The following GPBP1 variants were observed in gnomAD, a reference collection of about 807,000 sequenced individuals.
GPBP1 encodes GC-rich promoter binding protein 1.
In GPBP1, 13 loss-of-function variants were observed where a neutral mutation model predicts 56.5. The observed-to-expected ratio is 0.23, with a 90% CI of 0.15 to 0.37. The LOEUF is 0.37. Among genes scored for constraint, GPBP1 ranks in the 10% least tolerant of loss-of-function variants. The pLI is 1.00. For missense variants in GPBP1, 477 were observed against 572.3 expected, an observed-to-expected ratio of 0.83 and a Z score of 1.70; for synonymous variants, 204 against 188.9, an observed-to-expected ratio of 1.08 and a Z score of -0.66.
chr5:57,257,266 C>T (rs1381911850), intron 10 of GPBP1, among the ~76,000 whole-genome samples: 2 of 152,282 alleles, frequency 1.3e-5, no homozygotes, highest in East Asian at 3.9e-4. Context: ...GAACTCCTGA[C>T]CTCAGGTGAT....
In GPBP1 at chr5:57,224,001, T is replaced by C. The variant is rs538677308; in HGVS notation, c.64-6845T>C. Among the ~76,000 whole-genome samples, 472 of 151,236 alleles carry C rather than the reference T, an allele frequency of 3.1e-3. 4 individuals carry two copies. Among genetic ancestry groups the C allele is most frequent in the African/African-American group, 0.011 (452 of 41,288 alleles). ...GGCGCCCGCCACCACACCTGGCTAA[T>C]ATTTTGTATTTTTAGTAGAGACGGG... On this transcript the variant is annotated intron_variant, in intron 3 of 11. Transcript: ENST00000506184.
At chr5:57,178,038 T>G (rs746869104) in intron 2 of GPBP1, among the ~76,000 whole-genome samples, 13 of 152,278 alleles carry the variant, frequency 8.5e-5, no homozygotes, top group Admixed American at 2.6e-4. Flanking sequence ...CAGACCTGTG[T>G]GTAGTAATTC....
At chr5:57,180,798 A>G (rs1754010157) in intron 2 of GPBP1, among the ~76,000 whole-genome samples, 1 of 152,108 alleles carries the variant, frequency 6.6e-6, no homozygotes, top group South Asian at 2.1e-4. Context: ...CTGGAGTGCA[A>G]TGGCACAATC....
intron 2 of GPBP1, among the ~76,000 whole-genome samples, chr5:57,207,692 A>G (rs1398819039): frequency 6.6e-6 from 1 of 152,124 alleles, no homozygotes; most frequent in Admixed American, 6.5e-5. Flanking sequence ...GGTTTTATTG[A>G]GTGGAAGTTT....
intron 10 of GPBP1, among the ~76,000 whole-genome samples, chr5:57,255,269 C>G (rs904449560): frequency 3.9e-5 from 6 of 151,986 alleles, no homozygotes; most frequent in Non-Finnish European, 8.8e-5. Flanking sequence ...CCTCTTCCCC[C>G]TCTTATTCCA....
At chr5:57,197,989 A>G (rs1754840593) in intron 2 of GPBP1, among the ~76,000 whole-genome samples, 1 of 152,120 alleles carries the variant, frequency 6.6e-6, no homozygotes, top group South Asian at 2.1e-4. Context: ...TTTTGGTGCC[A>G]GAACCCATAT....
chr5:57,244,166 C>T (rs1029671446), intron 6 of GPBP1, among the ~76,000 whole-genome samples: 10 of 152,198 alleles, frequency 6.6e-5, no homozygotes, highest in African/African-American at 2.4e-4. Context: ...CCATATCTGG[C>T]ATTTTCAAGT....
In GPBP1 at chr5:57,214,091, T is replaced by C; in HGVS notation, c.-40T>C. 3 of 1,574,120 alleles carry C rather than the reference T, an allele frequency of 1.9e-6. No homozygotes were observed. Among genetic ancestry groups the C allele is most frequent in the Non-Finnish European group, 1.7e-6 (2 of 1,143,466 alleles). On this transcript the variant is annotated 5_prime_UTR_variant, in exon 3 of 12. Transcript: ENST00000506184. ...TGTGACAGGGACTTGCCATGAGGTG[T>C]TGAAGCCTTGTTTCACTGAGTTGGA...
chr5:57,191,545 C>T (rs1754523851), intron 2 of GPBP1, among the ~76,000 whole-genome samples: 1 of 139,734 alleles, frequency 7.2e-6, no homozygotes, highest in South Asian at 2.3e-4. Flanking sequence ...AAACAAAATA[C>T]ATTTATCTTT....
At chr5:57,219,770 G>C (rs911787878) in intron 3 of GPBP1, among the ~76,000 whole-genome samples, 1 of 152,024 alleles carries the variant, frequency 6.6e-6, no homozygotes, top group African/African-American at 2.4e-5. Context: ...ATTAGCATCT[G>C]GGCCGGGTGC....
intron 3 of GPBP1, among the ~76,000 whole-genome samples, chr5:57,223,162 C>T (rs567360453): frequency 6.6e-6 from 1 of 152,108 alleles, no homozygotes; most frequent in East Asian, 1.9e-4. Context: ...CTCTTAGAGA[C>T]AGGGTCTCAC....
rs1265165679 is a variant in GPBP1, at chr5:57,263,937, C to G, written c.*1185C>G. 1 of 152,040 alleles carries G rather than the reference C, an allele frequency of 6.6e-6. No individual in the cohort carries two copies. The highest frequency in any genetic ancestry group is 2.4e-5 in the African/African-American group (1 of 41,386). 9.4% of individuals were successfully genotyped at this position (152,040 alleles called of 1,614,324 possible). ...GCTCCCCCTTATGTTTAAATATATT[C>G]TAACTTATGTAAAGAGCATAATCTT... On this transcript the variant is annotated 3_prime_UTR_variant, in exon 12 of 12. Coordinates refer to ENST00000506184, the MANE Select transcript of GPBP1 (RefSeq NM_022913.4).
At chr5:57,257,236 A>G (rs960482925) in intron 10 of GPBP1, among the ~76,000 whole-genome samples, 33 of 152,238 alleles carry the variant, frequency 2.2e-4, no homozygotes, top group Middle Eastern at 3.4e-3. Flanking sequence ...AGGTTTCACC[A>G]TGTTGGCCAG....
chr5:57,226,005 C>G (rs1419925932), intron 3 of GPBP1, among the ~76,000 whole-genome samples: 1 of 152,198 alleles, frequency 6.6e-6, no homozygotes, highest in African/African-American at 2.4e-5. Flanking sequence ...TACTTTGAGA[C>G]AGTGTTCATG....
chr5:57,243,200 G>C (rs1740915943), intron 6 of GPBP1, among the ~76,000 whole-genome samples: 1 of 151,798 alleles, frequency 6.6e-6, no homozygotes, highest in African/African-American at 2.4e-5. Flanking sequence ...CCGAGTAGCT[G>C]GGATTACAGG....
chr5:57,182,621 T>C (rs780228635), intron 2 of GPBP1, among the ~76,000 whole-genome samples: 1 of 152,160 alleles, frequency 6.6e-6, no homozygotes, highest in Non-Finnish European at 1.5e-5. Context: ...TCCACCTGCC[T>C]CAGCCTCCCA....
intron 10 of GPBP1, among the ~76,000 whole-genome samples, chr5:57,257,538 C>G (rs1176770563): frequency 6.6e-6 from 1 of 152,174 alleles, no homozygotes; most frequent in Admixed American, 6.5e-5. Flanking sequence ...TAAAGAAATT[C>G]AGAGGGTTTG....
intron 2 of GPBP1, among the ~76,000 whole-genome samples, chr5:57,205,091 C>CT (rs1485287398): frequency 6.6e-6 from 1 of 152,170 alleles, no homozygotes; most frequent in Non-Finnish European, 1.5e-5. Context: ...AAAACTGTCT[C>CT]TAAGCAGTCA....
intron 6 of GPBP1, among the ~76,000 whole-genome samples, chr5:57,242,874 C>T (rs927758231): frequency 2.0e-5 from 3 of 151,262 alleles, no homozygotes; most frequent in Middle Eastern, 3.2e-3. Context: ...CTCGGCCTCC[C>T]GAGTAGCCGG....
Sources: allele counts gnomAD v4.1 joint callset (sites outside exome capture counted in the v4.1 genomes callset), GRCh38; gene constraint gnomAD v4.1.1; transcripts MANE v1.5; gene names NCBI Gene and HGNC (gene_info 2026-07-23, HGNC 2026-07-21).